The following KCNH1 variants were observed in gnomAD, a reference collection of about 807,000 sequenced individuals.
KCNH1 encodes potassium voltage-gated channel subfamily H member 1.
KCNH1 carries 27 observed loss-of-function variants against 69.2 expected under a neutral mutation model. The observed-to-expected ratio is 0.39, with a 90% CI of 0.29 to 0.54. The LOEUF (loss-of-function observed/expected upper bound fraction) is 0.54, where lower values mean the gene tolerates loss of function less well. Among genes scored for constraint, KCNH1 ranks in the 20% least tolerant of loss-of-function variants. The pLI is 0.68. For synonymous variants in KCNH1, 456 were observed against 487.7 expected (o/e 0.93, Z 0.86); for missense variants, 798 against 1,261.6 (o/e 0.63, Z 5.57).
chr1:211,095,283 A>G (rs531635780), intron 3 of KCNH1, among the ~76,000 whole-genome samples: 48 of 152,340 alleles, frequency 3.2e-4, no homozygotes, highest in African/African-American at 1.1e-3. Context: ...GGTCAATGTT[A>G]AATCCTTTAT....
intron 5 of KCNH1, among the ~76,000 whole-genome samples, chr1:211,048,289 C>T (rs1314723741): frequency 6.6e-6 from 1 of 152,122 alleles, no homozygotes; most frequent in African/African-American, 2.4e-5. Flanking sequence ...CCTTAAAGAA[C>T]TAAAAGTAGA....
chr1:210,835,592 G>A (rs1021784535), intron 7 of KCNH1, among the ~76,000 whole-genome samples: 1 of 152,118 alleles, frequency 6.6e-6, no homozygotes, highest in African/African-American at 2.4e-5. Flanking sequence ...AGCCCAGAGT[G>A]GTGGAGTAAT....
rs35601819 is a variant in KCNH1, at chr1:210,895,162, CT to C, written c.1462+24477del. ...TAAGCTTTCTGTTTACTTTTGTTTC[CT>C]TTTTTTTTTTTCAGGCAAGAGGGTA... On this transcript the variant is annotated intron_variant, in intron 7 of 10. Transcript: ENST00000271751. Among the ~76,000 whole-genome samples the C allele has an allele frequency of 1.8e-3, 247 of 139,124 alleles. No homozygotes were observed. The Middle Eastern group carries it at 0.019, about 11-fold the overall frequency. The allele number at this position is 139,124 out of a possible 152,430, so 91.3% of individuals were successfully genotyped here.
intron 6 of KCNH1, among the ~76,000 whole-genome samples, chr1:210,979,685 G>T (rs950887959): frequency 1.3e-5 from 2 of 152,016 alleles, no homozygotes; most frequent in Non-Finnish European, 2.9e-5. Flanking sequence ...TCAAGCATTA[G>T]AGTGTTTTCT....
chr1:210,803,954 T>A lies in KCNH1; in HGVS notation c.1662+13A>T, dbSNP rs1459373634. ...AAGACAAATGGTTTCCCTGAGCTCCTCATCCTCCTTACCTTCTCTGTGTCA... is the reference window on the plus strand; with the variant it reads ...AAGACAAATGGTTTCCCTGAGCTCCACATCCTCCTTACCTTCTCTGTGTCA... On this transcript the variant is annotated intron_variant, in intron 8 of 10. Transcript: ENST00000271751. 7 of 1,611,646 alleles carry A rather than the reference T, an allele frequency of 4.3e-6. No individual in the cohort carries two copies. Among genetic ancestry groups the A allele is most frequent in the Non-Finnish European group, 5.9e-6 (7 of 1,178,192 alleles).
At chr1:211,076,404 A>G (rs1162858798) in intron 5 of KCNH1, among the ~76,000 whole-genome samples, 1 of 149,178 alleles carries the variant, frequency 6.7e-6, no homozygotes, top group Non-Finnish European at 1.5e-5. Flanking sequence ...TCAGGCAGCA[A>G]TATTTGCTGT....
rs1349355827 is a variant in KCNH1 at position 210,823,690 on chromosome 1, G to T, written c.1463-19524C>A. 1.3e-5 allele frequency among the ~76,000 whole-genome samples: 2 copies of T among 152,122 alleles called. 1 individual carries two copies. The highest frequency in any genetic ancestry group is 4.1e-4 in the South Asian group (2 of 4,828). ...TCCTCACAACAATCCTATATAGAAGGTGCTATTATTATCATCTCTATTTTA... is the reference window on the plus strand; with the variant it reads ...TCCTCACAACAATCCTATATAGAAGTTGCTATTATTATCATCTCTATTTTA... On this transcript the variant is annotated intron_variant, in intron 7 of 10. Coordinates refer to ENST00000271751, the MANE Select transcript of KCNH1 (RefSeq NM_172362.3).
At chr1:210,723,577 G>A (rs1245915726) in intron 10 of KCNH1, among the ~76,000 whole-genome samples, 1 of 152,198 alleles carries the variant, frequency 6.6e-6, no homozygotes, top group Non-Finnish European at 1.5e-5. Context: ...AACAAAGAAA[G>A]ACCTTCTGAT....
At chr1:210,837,686 C>T (rs1685316455) in intron 7 of KCNH1, among the ~76,000 whole-genome samples, 1 of 152,096 alleles carries the variant, frequency 6.6e-6, no homozygotes, top group South Asian at 2.1e-4. Flanking sequence ...ATCGGCCATC[C>T]CTAGAACTCA....
intron 1 of KCNH1, 69 bp from the exon 2 acceptor site, chr1:211,107,446 C>T: frequency 6.8e-7 from 1 of 1,463,566 alleles, no homozygotes; most frequent in Non-Finnish European, 9.4e-7. Context: ...TCAATGAGGA[C>T]ATAAATAATG....
At chr1:210,861,185 T>C in intron 7 of KCNH1, 1 of 960,476 alleles carries the variant, frequency 1.0e-6, no homozygotes, top group Non-Finnish European at 1.7e-6. Flanking sequence ...CCAAAGTTCC[T>C]CATCAGCATC....
At chr1:210,939,419 C>T (rs1001379973) in intron 6 of KCNH1, among the ~76,000 whole-genome samples, 2 of 152,052 alleles carry the variant, frequency 1.3e-5, no homozygotes, top group Admixed American at 6.6e-5. Context: ...ATTTCAGGCC[C>T]AACAGAGGGG....
chr1:210,802,178 G>C (rs139479460), intron 8 of KCNH1, among the ~76,000 whole-genome samples: 1 of 152,228 alleles, frequency 6.6e-6, no homozygotes, highest in African/African-American at 2.4e-5. Flanking sequence ...GGTAGCTGAG[G>C]TTGTAGTAGT....
intron 7 of KCNH1, among the ~76,000 whole-genome samples, chr1:210,900,878 C>A (rs1407496095): frequency 2.0e-5 from 3 of 152,168 alleles, no homozygotes; most frequent in Non-Finnish European, 4.4e-5. Flanking sequence ...AGAAGCCCAA[C>A]TTTAGTACCG....
chr1:211,032,389 T>C (rs969426825), intron 5 of KCNH1, among the ~76,000 whole-genome samples: 1 of 152,194 alleles, frequency 6.6e-6, no homozygotes, highest in South Asian at 2.1e-4. Flanking sequence ...AATGACTTTC[T>C]TCACAGAATT....
chr1:211,035,166 T>G (rs1467013820), intron 5 of KCNH1, among the ~76,000 whole-genome samples: 2 of 151,596 alleles, frequency 1.3e-5, no homozygotes, highest in Non-Finnish European at 2.9e-5. Flanking sequence ...GATGGGGACT[T>G]GTATTCAGTG....
intron 7 of KCNH1, chr1:210,861,165 G>C (rs1685970803): frequency 2.2e-6 from 2 of 930,036 alleles, no homozygotes; most frequent in Non-Finnish European, 3.6e-6. Context: ...TACTCGTAAG[G>C]GTCTTCTTCC....
chr1:211,000,914 AG>A (rs1420203202), intron 6 of KCNH1, among the ~76,000 whole-genome samples: 3 of 152,222 alleles, frequency 2.0e-5, no homozygotes, highest in African/African-American at 4.8e-5. Flanking sequence ...AAATGGGGAA[AG>A]GATTCCCTAT....
At chr1:211,030,494 C>T (rs371261594) in intron 5 of KCNH1, among the ~76,000 whole-genome samples, 1 of 152,198 alleles carries the variant, frequency 6.6e-6, no homozygotes, top group East Asian at 1.9e-4. Flanking sequence ...GGTGCAAACG[C>T]AATTTGTGCA....
Sources: gnomAD v4.1 joint callset for allele counts (sites outside exome capture counted in the v4.1 genomes callset) on GRCh38, gnomAD v4.1.1 for gene constraint, MANE v1.5 for transcripts, NCBI Gene and HGNC (gene_info 2026-07-23, HGNC 2026-07-21) for gene names.